CCDC6: variants seen among roughly 807,000 people sequenced by gnomAD.
CCDC6 encodes the protein coiled-coil domain-containing protein 6.
A neutral mutation model predicts 56.6 loss-of-function variants in CCDC6; 20 were observed. The observed-to-expected ratio is 0.35, with a 90% confidence interval of 0.25 to 0.51. The LOEUF is 0.51. Among genes scored for constraint, CCDC6 ranks in the 20% least tolerant of loss-of-function variants. The probability of loss-of-function intolerance (pLI) is 0.95; values close to 1 mark genes in which losing one functional copy is unlikely to be tolerated. For missense variants in CCDC6, 367 were observed against 601.1 expected (o/e 0.61, Z 4.07); for synonymous variants, 241 against 234.4 (o/e 1.03, Z -0.26).
At chr10:59,855,839 AT>A (rs1209348019) in intron 1 of CCDC6, among the ~76,000 whole-genome samples, 1 of 152,198 alleles carries the variant, frequency 6.6e-6, no homozygotes, top group Non-Finnish European at 1.5e-5. Context: ...TTTCCTTTGC[AT>A]TTCTTCCCAA....
chr10:59,889,126 G>A (rs1328087381), intron 1 of CCDC6, among the ~76,000 whole-genome samples: 3 of 152,188 alleles, frequency 2.0e-5, no homozygotes, highest in Admixed American at 6.5e-5. Context: ...GGCATCCCAA[G>A]ATGCTCCCCA....
intron 1 of CCDC6, among the ~76,000 whole-genome samples, chr10:59,870,388 TCAC>T (rs2071217913): frequency 6.6e-6 from 1 of 152,140 alleles, no homozygotes; most frequent in Admixed American, 6.5e-5. Flanking sequence ...TCCAGATCCA[TCAC>T]CACTTTTCAC....
intron 1 of CCDC6, among the ~76,000 whole-genome samples, chr10:59,862,556 CAT>C (rs55913492): frequency 0.01 from 1,100 of 105,158 alleles, 53 homozygotes; most frequent in African/African-American, 0.024. Flanking sequence ...CACACACACA[CAT>C]ATATATACAC....
chr10:59,800,949 T>C (rs2070570152), intron 7 of CCDC6, among the ~76,000 whole-genome samples: 1 of 152,182 alleles, frequency 6.6e-6, no homozygotes, highest in Non-Finnish European at 1.5e-5. Context: ...ACTTAAAAAA[T>C]GATTAATTAA....
In CCDC6 at chr10:59,812,636, C is replaced by T; in HGVS notation, c.846G>A (p.Gln282=). 6.2e-7 allele frequency: 1 copy of T among 1,610,794 alleles called. No homozygotes were observed. The highest frequency in any genetic ancestry group is 2.2e-5 in the East Asian group (1 of 44,846). ...CTAGTGAAACCAGAGGCTACGTACGCTGTAACTGAGCAGCTCTCAGTTGCT... is the reference window on the plus strand; with the variant it reads ...CTAGTGAAACCAGAGGCTACGTACGTTGTAACTGAGCAGCTCTCAGTTGCT... ...LKKQLRAAQL[Q]HSEKMAQYLE... Residue 282 remains glutamine (Q), a splice_region_variant and synonymous_variant, in exon 5 of 9, where the codon CAG becomes CAA. Coordinates refer to ENST00000263102, the MANE Select transcript of CCDC6 (RefSeq NM_005436.5).
At chr10:59,814,208 G>T (rs1435774802) in intron 4 of CCDC6, among the ~76,000 whole-genome samples, 2 of 152,088 alleles carry the variant, frequency 1.3e-5, no homozygotes, top group East Asian at 3.9e-4. Flanking sequence ...TTTACAGTAG[G>T]TTTTAAAACA....
chr10:59,856,055 T>C (rs1206991288), intron 1 of CCDC6, among the ~76,000 whole-genome samples: 1 of 152,238 alleles, frequency 6.6e-6, no homozygotes, highest in Non-Finnish European at 1.5e-5. Context: ...ACTGTTCTGG[T>C]GCAGCCTGTT....
intron 2 of CCDC6, among the ~76,000 whole-genome samples, chr10:59,851,924 G>C (rs2071043081): frequency 6.6e-6 from 1 of 151,046 alleles, no homozygotes; most frequent in Non-Finnish European, 1.5e-5. Context: ...GCTTTGAAAG[G>C]GGGAAAAAAA....
intron 1 of CCDC6, among the ~76,000 whole-genome samples, chr10:59,885,085 GGAAA>G (rs1274964003): frequency 2.7e-5 from 4 of 149,364 alleles, no homozygotes; most frequent in East Asian, 3.9e-4. Context: ...CAGAAAGAAA[GGAAA>G]GAAAGGAAGG....
At chr10:59,837,860 G>T (rs1275263874) in intron 2 of CCDC6, among the ~76,000 whole-genome samples, 1 of 150,906 alleles carries the variant, frequency 6.6e-6, no homozygotes, top group African/African-American at 2.4e-5. Flanking sequence ...AACATCCCTG[G>T]TTTATTGAAA....
intron 1 of CCDC6, among the ~76,000 whole-genome samples, chr10:59,864,851 C>A (rs974826994): frequency 6.6e-6 from 1 of 152,066 alleles, no homozygotes; most frequent in African/African-American, 2.4e-5. Context: ...AAAAAGAGAT[C>A]AGACAAAAAA....
At chr10:59,857,968 C>T (rs1324771993) in intron 1 of CCDC6, among the ~76,000 whole-genome samples, 2 of 152,162 alleles carry the variant, frequency 1.3e-5, no homozygotes, top group African/African-American at 4.8e-5. Flanking sequence ...TACTACTGTA[C>T]ATAATGATTG....
intron 1 of CCDC6, 92 bp from the exon 2 acceptor site, chr10:59,852,794 A>G (rs1564748919): frequency 1.9e-6 from 2 of 1,053,960 alleles, no homozygotes; most frequent in Non-Finnish European, 1.3e-6. Context: ...TATTTCCAGA[A>G]AGGGTACCCA....
At chr10:59,862,540 C>CATAT (rs1564751055) in intron 1 of CCDC6, among the ~76,000 whole-genome samples, 1 of 112,270 alleles carries the variant, frequency 8.9e-6, no homozygotes, top group South Asian at 3.0e-4. Flanking sequence ...CACACACACA[C>CATAT]ACACACACAC....
intron 1 of CCDC6, among the ~76,000 whole-genome samples, chr10:59,893,379 G>A (rs1589064360): frequency 1.3e-5 from 2 of 152,090 alleles, no homozygotes; most frequent in African/African-American, 4.8e-5. Context: ...TGGGAGTATC[G>A]CTTGAGCCTG....
chr10:59,906,321 C>G lies in CCDC6; in HGVS notation c.104G>C (p.Gly35Ala), dbSNP rs542244955. 2.5e-6 allele frequency: 4 copies of G among 1,600,710 alleles called. No individual in the cohort carries two copies. In the South Asian group the frequency reaches 4.4e-5, roughly 18 times the overall value. The stretch of plus-strand genomic sequence containing the variant: ...ACCGCCGCCGCCTCCCCCGCCGCCA[C>G]CGCCGCCGCCCGAGGTCGACGAGCA... ...SSCSSTSGGG[G>A]GGGGGGGGGK... The change falls in exon 1 of 9, where the codon GGT becomes GCT. Residue 35 changes from glycine (G) to alanine (A), a missense_variant. Physicochemically the swap from Gly to Ala is moderately conservative, Grantham distance 60. Transcript: ENST00000263102.
intron 1 of CCDC6, among the ~76,000 whole-genome samples, chr10:59,859,232 G>A (rs61848706): frequency 0.048 from 7,208 of 150,730 alleles, 309 homozygotes; most frequent in African/African-American, 0.11. Context: ...GTGTGTGTGT[G>A]TGTGTATGAA....
At position 59,812,757 on chromosome 10, in the gene CCDC6, G is replaced by A. The variant is rs1315471718; in HGVS notation, c.725C>T (p.Pro242Leu). ...CATGGAGATATCTCTAGGCGATGGT[G>A]GAGCAGAGACGGGCTGGTCTAATTT... is the stretch of plus-strand genomic sequence containing the variant. ...QEKLDQPVSA[P>L]PSPRDISMEI... is the part of the protein sequence containing the mutation. Residue 242 changes from proline (P) to leucine (L), a missense_variant, in exon 5 of 9, where the codon CCA becomes CTA. Pro to Leu is a moderately conservative substitution (Grantham distance 98, BLOSUM62 -3). This residue lies in a region of CCDC6 where 81 missense variants were observed against 150.8 expected (regional missense o/e 0.54). Transcript: ENST00000263102. The A allele has an allele frequency of 3.7e-6, 6 of 1,610,754 alleles. No individual in the cohort carries two copies. The highest frequency in any genetic ancestry group is 5.1e-6 in the Non-Finnish European group (6 of 1,177,830).
chr10:59,808,393 C>T (rs746020737), intron 5 of CCDC6, among the ~76,000 whole-genome samples: 12 of 152,296 alleles, frequency 7.9e-5, no homozygotes, highest in South Asian at 2.1e-4. Context: ...AAGAAAAACA[C>T]GTCTTCCTTC....
Sources: gnomAD v4.1 joint callset for allele counts (sites outside exome capture counted in the v4.1 genomes callset) on GRCh38, gnomAD v4.1.1 for gene constraint, gnomAD v4.1.1 regional missense constraint, MANE v1.5 for transcripts, NCBI Gene and HGNC (gene_info 2026-07-23, HGNC 2026-07-21) for gene names.